Variants in MORC3 observed in about 807,000 individuals in gnomAD.
MORC3 encodes MORC family CW-type zinc finger 3, also known as MORC family CW-type zinc finger protein 3.
In MORC3, 31 loss-of-function variants were observed where a neutral mutation model predicts 109.1. The observed-to-expected ratio is 0.28, with a 90% CI of 0.21 to 0.38. The LOEUF is 0.38. Among genes scored for constraint, MORC3 ranks in the 10% least tolerant of loss-of-function variants. The pLI, the probability that MORC3 is intolerant of heterozygous loss-of-function variation, is 1.00. For synonymous variants in MORC3, 395 were observed against 380.7 expected, an observed-to-expected ratio of 1.04 and a Z score of -0.44; for missense variants, 867 against 1,135.8, an observed-to-expected ratio of 0.76 and a Z score of 3.40.
chr21:36,351,114 G>T (rs2085566895), intron 9 of MORC3, among the ~76,000 whole-genome samples: 1 of 133,620 alleles, frequency 7.5e-6, no homozygotes, highest in African/African-American at 2.8e-5. Flanking sequence ...CACTAGGCTG[G>T]AGTGCAGTGG....
In MORC3 at chr21:36,372,463, A is replaced by G; in HGVS notation, c.2598A>G (p.Gln866=). The G allele has an allele frequency of 6.2e-7, 1 of 1,609,708 alleles. No homozygotes were observed. The highest frequency in any genetic ancestry group is 8.5e-7 in the Non-Finnish European group (1 of 1,179,232). ...TAGAACAGTTAAAATCTACAAATCA[A>G]CAGACGGCAACAGATGTTTCAACAT... ...TEVEQLKSTN[Q]QTATDVSTSS... The change falls in exon 16 of 17, where the codon CAA becomes CAG. Residue 866 remains glutamine, a synonymous_variant. Coordinates refer to ENST00000400485, the MANE Select transcript of MORC3 (RefSeq NM_015358.3).
Position 36,341,516 on chromosome 21 carries a change from G to T in MORC3, c.726G>T (p.Gln242His), listed in dbSNP as rs530766174. 2 of 1,613,938 alleles carry T rather than the reference G, an allele frequency of 1.2e-6. No homozygotes were observed. The highest frequency in any genetic ancestry group is 2.7e-5 in the African/African-American group (2 of 75,046). Residue 242 changes from glutamine (Q) to histidine (H), a missense_variant, in exon 6 of 17, where the codon CAG becomes CAT. By Grantham distance (24) the Gln-to-His change is conservative. Coordinates refer to ENST00000400485, the MANE Select transcript of MORC3 (RefSeq NM_015358.3). ...KGYKKQERMD[Q>H]IAPESDYSLR... ...ACAAGAAGCAGGAAAGGATGGACCA[G>T]ATTGCCCCTGAGAGTGACTATTCCC...
intron 14 of MORC3, among the ~76,000 whole-genome samples, chr21:36,366,630 G>A (rs1466966818): frequency 6.6e-6 from 1 of 152,034 alleles, no homozygotes; most frequent in Non-Finnish European, 1.5e-5. Flanking sequence ...AATTTATTGT[G>A]TTGTAGTATA....
intron 1 of MORC3, among the ~76,000 whole-genome samples, chr21:36,320,987 G>A (rs2085187818): frequency 6.6e-6 from 1 of 152,194 alleles, no homozygotes; most frequent in African/African-American, 2.4e-5. Context: ...TCACGTCCAG[G>A]AAATGTGGGC....
intron 14 of MORC3, among the ~76,000 whole-genome samples, chr21:36,368,593 T>C (rs1191942752): frequency 3.3e-5 from 5 of 152,198 alleles, no homozygotes; most frequent in African/African-American, 7.2e-5. Context: ...GCAAAACTTA[T>C]AGCTGGGCAC....
At chr21:36,350,485 A>C (rs1476813615) in intron 9 of MORC3, among the ~76,000 whole-genome samples, 1 of 151,368 alleles carries the variant, frequency 6.6e-6, no homozygotes, top group African/African-American at 2.4e-5. Flanking sequence ...TTGAGGCTGC[A>C]ATGAGCCGTG....
chr21:36,320,883 G>A (rs1341587691), intron 1 of MORC3, among the ~76,000 whole-genome samples: 1 of 152,176 alleles, frequency 6.6e-6, no homozygotes. Context: ...CCCGCGTTGC[G>A]TCTGTTTTGG....
intron 10 of MORC3, among the ~76,000 whole-genome samples, chr21:36,357,530 A>C (rs1450784043): frequency 6.6e-6 from 1 of 151,548 alleles, no homozygotes; most frequent in Non-Finnish European, 1.5e-5. Context: ...GATTATAGGC[A>C]TGAGCCACCG....
chr21:36,372,304 C>A, intron 15 of MORC3, 70 bp from the exon 16 acceptor site: 1 of 1,371,718 alleles, frequency 7.3e-7, no homozygotes, highest in Non-Finnish European at 9.7e-7. Flanking sequence ...TCTATATTAG[C>A]TTGAAATTTC....
At chr21:36,328,128 C>A (rs112772277) in intron 1 of MORC3, among the ~76,000 whole-genome samples, 11 of 151,954 alleles carry the variant, frequency 7.2e-5, no homozygotes, top group Non-Finnish European at 1.5e-4. Flanking sequence ...CCACCTGCCG[C>A]GGCCTCCCAA....
intron 1 of MORC3, chr21:36,320,658 C>T (rs2085181691): frequency 8.8e-6 from 2 of 227,776 alleles, no homozygotes; most frequent in Non-Finnish European, 1.7e-5. Flanking sequence ...CTCTTCTGTC[C>T]GCTGGGCGTC....
At chr21:36,370,857 C>T (rs2085858376) in intron 15 of MORC3, among the ~76,000 whole-genome samples, 1 of 151,602 alleles carries the variant, frequency 6.6e-6, no homozygotes, top group Admixed American at 6.6e-5. Context: ...TTATTAGAGA[C>T]AGGGTTTCAC....
rs553565257 is a variant in MORC3, at chr21:36,373,254, C to T, written c.2666+723C>T. On this transcript the variant is annotated intron_variant, in intron 16 of 16. Transcript: ENST00000400485. Reference sequence around the variant, plus strand: ...ACTCGGGAGGCTCAGGCAGGAGAATCGCTTGAACCTAGGAGGTGGAGGTTG... The same window carrying T: ...ACTCGGGAGGCTCAGGCAGGAGAATTGCTTGAACCTAGGAGGTGGAGGTTG... Among the ~76,000 whole-genome samples the T allele has an allele frequency of 3.3e-5, 5 of 152,030 alleles. No individual in the cohort carries two copies. In the East Asian group the frequency reaches 7.8e-4, roughly 24 times the overall value.
At chr21:36,334,958 C>T (rs1041366216) in intron 2 of MORC3, among the ~76,000 whole-genome samples, 15 of 151,886 alleles carry the variant, frequency 9.9e-5, no homozygotes, top group Non-Finnish European at 1.9e-4. Flanking sequence ...TAGTGGGACC[C>T]CATCTCTACA....
chr21:36,369,093 AGAT>A lies in MORC3; in HGVS notation c.1727_1729del (p.Asp576del), dbSNP rs771567738. On this transcript the variant is annotated inframe_deletion, in exon 15 of 17. Coordinates refer to ENST00000400485, the MANE Select transcript of MORC3 (RefSeq NM_015358.3). ...TTTATAAAGGTGATGATGATGATGA[AGAT>A]GTCATCATCTTAGAAGAAAACAGTA... 4 of 1,613,926 alleles carry A rather than the reference AGAT, an allele frequency of 2.5e-6. No homozygotes were observed. The South Asian group carries it at 4.4e-5, about 18-fold the overall frequency.
chr21:36,354,545 CG>C (rs1224613336), intron 9 of MORC3, among the ~76,000 whole-genome samples: 1 of 151,870 alleles, frequency 6.6e-6, no homozygotes, highest in Non-Finnish European at 1.5e-5. Flanking sequence ...CCTTGTGATC[CG>C]CCCGCCTCTG....
Position 36,347,026 on chromosome 21 carries a change from A to C in MORC3, c.1005+1995A>C, listed in dbSNP as rs1433099796. Among the ~76,000 whole-genome samples the C allele has an allele frequency of 3.3e-5, 5 of 149,422 alleles. No individual in the cohort carries two copies. The East Asian group carries it at 9.7e-4, about 29-fold the overall frequency. ...GTCTCTTAAAAAAAAAAAAAAAAAA[A>C]CAAAGAAATTGGGGCAAATAACAAA... On this transcript the variant is annotated intron_variant, in intron 8 of 16. Coordinates refer to ENST00000400485, the MANE Select transcript of MORC3 (RefSeq NM_015358.3).
chr21:36,320,351 CG>C, intron 1 of MORC3, 48 bp downstream of exon 1: 2 of 821,756 alleles, frequency 2.4e-6, no homozygotes, highest in South Asian at 2.0e-5. Context: ...GGAGGGCGGG[CG>C]GGCAAGCGAA....
At position 36,320,232 on chromosome 21, in the gene MORC3, G is replaced by C. The variant is rs932512950; in HGVS notation, c.-33G>C. ...CGCCACCTCCCAGTCGGGTTGCGGCGGAGGCCGTTCCTGGCTTTGTAGCTC... is the reference window on the plus strand; with the variant it reads ...CGCCACCTCCCAGTCGGGTTGCGGCCGAGGCCGTTCCTGGCTTTGTAGCTC... On this transcript the variant is annotated 5_prime_UTR_variant, in exon 1 of 17. Coordinates refer to ENST00000400485, the MANE Select transcript of MORC3 (RefSeq NM_015358.3). The C allele has an allele frequency of 1.9e-6, 3 of 1,572,576 alleles. No homozygotes were observed. Among genetic ancestry groups the C allele is most frequent in the African/African-American group, 1.4e-5 (1 of 73,852 alleles).
Sources: allele counts gnomAD v4.1 joint callset (sites outside exome capture counted in the v4.1 genomes callset), GRCh38; gene constraint gnomAD v4.1.1; transcripts MANE v1.5; gene names NCBI Gene and HGNC (gene_info 2026-07-23, HGNC 2026-07-21).